The following AUTS2 variants were observed in gnomAD, a reference collection of about 807,000 sequenced individuals.
The protein encoded by AUTS2 is activator of transcription and developmental regulator AUTS2.
AUTS2 carries 17 observed loss-of-function variants against 112.4 expected under a neutral mutation model. That is an observed-to-expected ratio of 0.15 (90% CI 0.10 to 0.23). The LOEUF (loss-of-function observed/expected upper bound fraction) is 0.23, where lower values mean the gene tolerates loss of function less well. Ranked by LOEUF, AUTS2 falls within the 10% of genes least tolerant of loss-of-function variation. AUTS2 has a pLI of 1.00. For missense variants in AUTS2, 1,510 were observed against 1,701.6 expected (o/e 0.89, Z 1.98); for synonymous variants, 751 against 702.7 (o/e 1.07, Z -1.09).
At chr7:70,645,109 T>C (rs1253012377) in intron 5 of AUTS2, among the ~76,000 whole-genome samples, 5 of 152,168 alleles carry the variant, frequency 3.3e-5, no homozygotes, top group Non-Finnish European at 5.9e-5. Flanking sequence ...TTCCTTCATC[T>C]TCCTTCAGGC....
chr7:69,901,443 G>A (rs1295856409), intron 2 of AUTS2, among the ~76,000 whole-genome samples: 2 of 152,040 alleles, frequency 1.3e-5, no homozygotes, highest in African/African-American at 2.4e-5. Context: ...CTACTTCTTC[G>A]AGACTTTCAA....
chr7:70,468,154 C>T (rs773672874), intron 5 of AUTS2, among the ~76,000 whole-genome samples: 1 of 152,062 alleles, frequency 6.6e-6, no homozygotes, highest in Non-Finnish European at 1.5e-5. Flanking sequence ...CAAGTGAGGG[C>T]GATTTGAGGG....
At chr7:70,599,982 A>G (rs1305712857) in intron 5 of AUTS2, among the ~76,000 whole-genome samples, 4 of 152,128 alleles carry the variant, frequency 2.6e-5, no homozygotes, top group African/African-American at 9.7e-5. Flanking sequence ...CTGCATACCA[A>G]CAGGACCTTC....
At chr7:69,675,904 G>A (rs1004731600) in intron 1 of AUTS2, among the ~76,000 whole-genome samples, 2 of 152,076 alleles carry the variant, frequency 1.3e-5, no homozygotes, top group African/African-American at 4.8e-5. Flanking sequence ...TTCGCAGACC[G>A]GGAAACTAAG....
chr7:70,772,955 G>A (rs185760174), intron 11 of AUTS2, among the ~76,000 whole-genome samples: 4 of 152,256 alleles, frequency 2.6e-5, no homozygotes, highest in Admixed American at 6.5e-5. Context: ...TATTTCCCTC[G>A]CTCACAATTA....
Position 69,816,170 on chromosome 7 carries a change from CT to C in AUTS2, c.310-83113del, listed in dbSNP as rs1235070561. 3.3e-5 allele frequency among the ~76,000 whole-genome samples: 5 copies of C among 152,224 alleles called. No individual in the cohort carries two copies. The East Asian group carries it at 9.6e-4, about 29-fold the overall frequency. ...TAAAGCTGTTAACAATGGGGGCAAG[CT>C]TTCCCCGTGGGAGACAGGCTTCTTG... On this transcript the variant is annotated intron_variant, in intron 1 of 18. Coordinates refer to ENST00000342771, the MANE Select transcript of AUTS2 (RefSeq NM_015570.4).
At chr7:70,594,917 C>T (rs1803120750) in intron 5 of AUTS2, among the ~76,000 whole-genome samples, 1 of 152,140 alleles carries the variant, frequency 6.6e-6, no homozygotes, top group Non-Finnish European at 1.5e-5. Context: ...GCCTGACCAA[C>T]ATGGAGAAAC....
intron 1 of AUTS2, among the ~76,000 whole-genome samples, chr7:69,779,050 TAAAAAAAAA>T (rs1554368326): frequency 5.3e-4 from 46 of 86,586 alleles, no homozygotes; most frequent in African/African-American, 2.0e-3. Context: ...TTTTTTTTTT[TAAAAAAAAA>T]AAAAAAAAAA....
intron 5 of AUTS2, among the ~76,000 whole-genome samples, chr7:70,620,181 T>C (rs1413438102): frequency 6.6e-6 from 1 of 152,170 alleles, no homozygotes; most frequent in Non-Finnish European, 1.5e-5. Context: ...CCTCAATTTA[T>C]AGAACAGACA....
At chr7:69,686,457 T>TG (rs1176996213) in intron 1 of AUTS2, among the ~76,000 whole-genome samples, 1 of 152,188 alleles carries the variant, frequency 6.6e-6, no homozygotes, top group Non-Finnish European at 1.5e-5. Flanking sequence ...GATCTGGGAC[T>TG]GGGGGTTCTT....
At chr7:69,944,408 C>T (rs934543989) in intron 2 of AUTS2, among the ~76,000 whole-genome samples, 1 of 152,158 alleles carries the variant, frequency 6.6e-6, no homozygotes, top group Non-Finnish European at 1.5e-5. Context: ...TTCAGCATGG[C>T]TGCCTGTGTG....
intron 11 of AUTS2, among the ~76,000 whole-genome samples, chr7:70,772,350 G>A (rs1222689711): frequency 1.3e-5 from 2 of 152,170 alleles, no homozygotes; most frequent in Admixed American, 6.5e-5. Context: ...GCCGTCCAGC[G>A]TTGGCTACAG....
chr7:70,326,531 C>A (rs969533969), intron 4 of AUTS2, among the ~76,000 whole-genome samples: 4 of 152,174 alleles, frequency 2.6e-5, no homozygotes, highest in African/African-American at 9.7e-5. Flanking sequence ...GGACGTACAC[C>A]TGGAGCCCAG....
chr7:69,669,548 T>C (rs1386347498), intron 1 of AUTS2, among the ~76,000 whole-genome samples: 3 of 152,188 alleles, frequency 2.0e-5, no homozygotes, highest in African/African-American at 7.2e-5. Flanking sequence ...AATATTTATG[T>C]GTTATAAATA....
chr7:70,763,330 C>T lies in AUTS2; in HGVS notation c.1203C>T (p.Leu401=), dbSNP rs1386353444. ...LSAYNSSSLS[L]NSLSSSRSST... ...CCTACAACAGCAGTAGCTTAAGCCT[C>T]AACAGTTTAAGGTGAGTGGCCTGCT... Residue 401 remains leucine (L), a synonymous_variant, in exon 7 of 19, where the codon CTC becomes CTT. Coordinates refer to ENST00000342771, the MANE Select transcript of AUTS2 (RefSeq NM_015570.4). 3.8e-6 allele frequency: 6 copies of T among 1,572,972 alleles called. No homozygotes were observed. In the East Asian group the frequency reaches 9.0e-5, roughly 24 times the overall value.
intron 3 of AUTS2, among the ~76,000 whole-genome samples, chr7:70,133,486 GGGGGCA>G (rs1482180375): frequency 6.6e-6 from 1 of 152,192 alleles, no homozygotes; most frequent in Non-Finnish European, 1.5e-5. Flanking sequence ...TTCCAGAGTA[GGGGGCA>G]GGACATGTAG....
At chr7:69,768,099 T>C (rs1256653760) in intron 1 of AUTS2, among the ~76,000 whole-genome samples, 1 of 152,180 alleles carries the variant, frequency 6.6e-6, no homozygotes, top group Non-Finnish European at 1.5e-5. Context: ...TATTGTTCTG[T>C]CTGTGGCAAT....
intron 5 of AUTS2, among the ~76,000 whole-genome samples, chr7:70,636,506 T>C (rs1805540737): frequency 1.3e-5 from 2 of 152,174 alleles, no homozygotes; most frequent in African/African-American, 2.4e-5. Context: ...CAAGTCCCCC[T>C]CTTATGGATA....
At chr7:69,964,744 C>G (rs1797569754) in intron 2 of AUTS2, among the ~76,000 whole-genome samples, 1 of 151,990 alleles carries the variant, frequency 6.6e-6, no homozygotes, top group Non-Finnish European at 1.5e-5. Flanking sequence ...CATCTCTACT[C>G]TTTCACAATC....
Sources: allele counts gnomAD v4.1 joint callset (sites outside exome capture counted in the v4.1 genomes callset), GRCh38; gene constraint gnomAD v4.1.1; transcripts MANE v1.5; gene names NCBI Gene and HGNC (gene_info 2026-07-23, HGNC 2026-07-21).